Variants in EFNA5 observed in about 807,000 individuals in gnomAD.
EFNA5 encodes ephrin A5.
Under a neutral mutation model 22.9 loss-of-function variants are expected in EFNA5, and 5 were observed. The ratio of observed to expected loss-of-function variants is 0.22; its 90% CI spans 0.11 to 0.46. The LOEUF (loss-of-function observed/expected upper bound fraction) is 0.46, where lower values mean the gene tolerates loss of function less well. Among genes scored for constraint, EFNA5 ranks in the 20% least tolerant of loss-of-function variants. EFNA5 has a pLI of 0.99. For synonymous variants in EFNA5, 113 were observed against 112.2 expected, an observed-to-expected ratio of 1.01 and a Z score of -0.04; for missense variants, 237 against 293.3, an observed-to-expected ratio of 0.81 and a Z score of 1.40.
intron 1 of EFNA5, among the ~76,000 whole-genome samples, chr5:107,653,330 T>C (rs566054210): frequency 1.3e-5 from 2 of 152,278 alleles, no homozygotes; most frequent in Non-Finnish European, 2.9e-5. Flanking sequence ...TAACCCAGTG[T>C]AAGCTCCAGC....
intron 1 of EFNA5, among the ~76,000 whole-genome samples, chr5:107,611,010 G>T (rs768532536): frequency 6.6e-6 from 1 of 152,046 alleles, no homozygotes; most frequent in South Asian, 2.1e-4. Flanking sequence ...AGAATCAGGC[G>T]ACCTGGGCAT....
In EFNA5 at chr5:107,665,627, T is replaced by A. The variant is rs911865055; in HGVS notation, c.125+4862A>T. 5.9e-5 allele frequency among the ~76,000 whole-genome samples: 9 copies of A among 152,340 alleles called. No homozygotes were observed. The East Asian group carries it at 1.7e-3, about 29-fold the overall frequency. On this transcript the variant is annotated intron_variant, in intron 1 of 4. Coordinates refer to ENST00000333274, the MANE Select transcript of EFNA5 (RefSeq NM_001962.3). ...TGCCAAATTAGACTGTATAGCCAAATCTGCCTCAAATAGCTCTAATGTTCC... is the reference window on the plus strand; with the variant it reads ...TGCCAAATTAGACTGTATAGCCAAAACTGCCTCAAATAGCTCTAATGTTCC...
chr5:107,493,539 A>T (rs367715662), intron 1 of EFNA5, among the ~76,000 whole-genome samples: 1 of 152,224 alleles, frequency 6.6e-6, no homozygotes, highest in Non-Finnish European at 1.5e-5. Context: ...CCAAGAAAAA[A>T]CAAAAACAAA....
Position 107,380,619 on chromosome 5 carries a change from G to A in EFNA5, c.*636C>T, listed in dbSNP as rs1747422039. ...GCTTCTTTTAGAGAGCACAAGTTTT[G>A]CTGTCAAGAATGCTTTAAGACAGTC... On this transcript the variant is annotated 3_prime_UTR_variant, in exon 5 of 5. Coordinates refer to ENST00000333274, the MANE Select transcript of EFNA5 (RefSeq NM_001962.3). 2.7e-6 allele frequency: 1 copy of A among 376,056 alleles called. No homozygotes were observed. Among genetic ancestry groups the A allele is most frequent in the Non-Finnish European group, 4.7e-6 (1 of 213,524 alleles). The allele number at this position is 376,056 out of a possible 1,614,324, so 23.3% of individuals were successfully genotyped here. A position where few individuals can be genotyped will look rare whatever the true frequency, so the allele number is the denominator to read the frequency against.
intron 1 of EFNA5, among the ~76,000 whole-genome samples, chr5:107,639,319 T>C (rs1197593609): frequency 1.3e-5 from 2 of 152,218 alleles, no homozygotes; most frequent in Non-Finnish European, 2.9e-5. Flanking sequence ...ACAATAGTGC[T>C]AGCAGCAGAA....
At chr5:107,660,560 A>G (rs892303675) in intron 1 of EFNA5, among the ~76,000 whole-genome samples, 25 of 151,936 alleles carry the variant, frequency 1.6e-4, no homozygotes, top group Admixed American at 1.4e-3. Context: ...TTATATTTTG[A>G]TACTATAGGT....
chr5:107,394,829 C>A (rs900749942), intron 2 of EFNA5, among the ~76,000 whole-genome samples: 1 of 152,100 alleles, frequency 6.6e-6, no homozygotes, highest in South Asian at 2.1e-4. Context: ...CACTAACATG[C>A]TTTTTGTATA....
At chr5:107,479,534 G>A (rs1216264768) in intron 1 of EFNA5, among the ~76,000 whole-genome samples, 1 of 151,840 alleles carries the variant, frequency 6.6e-6, no homozygotes, top group Non-Finnish European at 1.5e-5. Context: ...TGTGGGTTTT[G>A]AGGTTACTCG....
intron 1 of EFNA5, among the ~76,000 whole-genome samples, chr5:107,605,242 G>T (rs1227951722): frequency 6.6e-6 from 1 of 151,950 alleles, no homozygotes; most frequent in Non-Finnish European, 1.5e-5. Flanking sequence ...CCTCTTATGG[G>T]TATTAGGAAG....
Position 107,411,280 on chromosome 5 carries a change from T to A in EFNA5, c.418+15937A>T, listed in dbSNP as rs761854674. Among the ~76,000 whole-genome samples the A allele has an allele frequency of 5.6e-4, 85 of 152,354 alleles. No homozygotes were observed. In the Middle Eastern group the frequency reaches 0.01, roughly 18 times the overall value. On this transcript the variant is annotated intron_variant, in intron 2 of 4. Coordinates refer to ENST00000333274, the MANE Select transcript of EFNA5 (RefSeq NM_001962.3). ...ACACCCTGGTTTTGGCCAGTGGTTG[T>A]TTCTGCCTATTTTGCATCACTACCT...
intron 1 of EFNA5, among the ~76,000 whole-genome samples, chr5:107,492,727 G>A (rs897527636): frequency 5.3e-5 from 8 of 152,144 alleles, no homozygotes; most frequent in African/African-American, 7.2e-5. Flanking sequence ...GGCCGAGCAC[G>A]GTGGATCATG....
At chr5:107,396,305 C>T (rs1228803167) in intron 2 of EFNA5, among the ~76,000 whole-genome samples, 2 of 152,170 alleles carry the variant, frequency 1.3e-5, no homozygotes, top group Non-Finnish European at 2.9e-5. Flanking sequence ...CTTAACGTGC[C>T]TACGCCTCAG....
chr5:107,508,971 C>T (rs148312588), intron 1 of EFNA5, among the ~76,000 whole-genome samples: 105 of 152,232 alleles, frequency 6.9e-4, no homozygotes, highest in African/African-American at 2.4e-3. Context: ...TATAGTTCCT[C>T]GATTAAATGG....
rs1402282845 is a variant in EFNA5 at position 107,399,318 on chromosome 5, C to CAGAAAGGAAAGGAAA, written c.419-11548_419-11547insTTTCCTTTCCTTTCT. ...AGAAGGAAGGAAGGAAGGAAGGAAACGGAAAGGAAAGGAAAGGAAAGGAAA... is the reference window on the plus strand; with the variant it reads ...AGAAGGAAGGAAGGAAGGAAGGAAACAGAAAGGAAAGGAAAGGAAAGGAAAGGAAAGGAAAGGAAA... On this transcript the variant is annotated intron_variant, in intron 2 of 4. Coordinates refer to ENST00000333274, the MANE Select transcript of EFNA5 (RefSeq NM_001962.3). Among the ~76,000 whole-genome samples, 173 of 94,640 alleles carry CAGAAAGGAAAGGAAA rather than the reference C, an allele frequency of 1.8e-3. 1 individual carries two copies. The highest frequency in any genetic ancestry group is 7.6e-3 in the African/African-American group (167 of 22,016). 62.1% of individuals were successfully genotyped at this position (94,640 alleles called of 152,430 possible).
intron 1 of EFNA5, among the ~76,000 whole-genome samples, chr5:107,473,456 G>C (rs897325427): frequency 6.6e-6 from 1 of 151,840 alleles, no homozygotes; most frequent in Non-Finnish European, 1.5e-5. Flanking sequence ...CTGCTCACTG[G>C]GGAGGCAAAT....
intron 1 of EFNA5, among the ~76,000 whole-genome samples, chr5:107,617,786 C>T (rs1749953938): frequency 6.6e-6 from 1 of 152,078 alleles, no homozygotes; most frequent in Admixed American, 6.5e-5. Context: ...GAAGTGGAAA[C>T]ACAATACAGT....
chr5:107,615,791 G>A (rs189996137), intron 1 of EFNA5, among the ~76,000 whole-genome samples: 1 of 152,260 alleles, frequency 6.6e-6, no homozygotes, highest in African/African-American at 2.4e-5. Flanking sequence ...AAAGGGAGGG[G>A]TCGCTCGTCC....
At chr5:107,441,576 G>A (rs917212732) in intron 1 of EFNA5, among the ~76,000 whole-genome samples, 6 of 152,158 alleles carry the variant, frequency 3.9e-5, no homozygotes, top group Non-Finnish European at 7.3e-5. Context: ...CTCACTAGAG[G>A]AAATGAAAAT....
intron 1 of EFNA5, among the ~76,000 whole-genome samples, chr5:107,477,004 T>C (rs1269549348): frequency 6.6e-6 from 1 of 152,200 alleles, no homozygotes; most frequent in Non-Finnish European, 1.5e-5. Flanking sequence ...AGTGTCTATT[T>C]GCTGAGCATT....
Sources: allele counts gnomAD v4.1 joint callset (sites outside exome capture counted in the v4.1 genomes callset), GRCh38; gene constraint gnomAD v4.1.1; transcripts MANE v1.5; gene names NCBI Gene and HGNC (gene_info 2026-07-23, HGNC 2026-07-21).